Variants in ST8SIA6 observed in about 807,000 individuals in gnomAD.
ST8SIA6 encodes alpha-2,8-sialyltransferase 8F.
ST8SIA6 carries 39 observed loss-of-function variants against 33.6 expected under a neutral mutation model. The ratio of observed to expected loss-of-function variants is 1.16; its 90% confidence interval spans 0.90 to 1.52. ST8SIA6 has a LOEUF of 1.52. Ranked by LOEUF, ST8SIA6 falls within the 40% of genes most tolerant of loss-of-function variation. ST8SIA6 has a pLI of 0.00. For missense variants in ST8SIA6, 441 were observed against 443.8 expected (o/e 0.99, Z 0.06); for synonymous variants, 172 against 167.2 (o/e 1.03, Z -0.22).
At chr10:17,403,033 C>T (rs368488492) in intron 2 of ST8SIA6, among the ~76,000 whole-genome samples, 2 of 152,254 alleles carry the variant, frequency 1.3e-5, no homozygotes, top group East Asian at 3.9e-4. Context: ...TATCACTGCC[C>T]ATCACTCTAA....
chr10:17,342,055 T>C (rs1300547498), intron 4 of ST8SIA6, among the ~76,000 whole-genome samples: 1 of 152,022 alleles, frequency 6.6e-6, no homozygotes, highest in East Asian at 1.9e-4. Flanking sequence ...GAAATAAATG[T>C]GAGTTGTTAA....
rs555608156 is a variant in ST8SIA6 at position 17,350,501 on chromosome 10, C to A, written c.377+9013G>T. 4.6e-3 allele frequency among the ~76,000 whole-genome samples: 702 copies of A among 152,140 alleles called. 2 individuals are homozygous for A. Among genetic ancestry groups the A allele is most frequent in the Non-Finnish European group, 8.3e-3 (566 of 67,994 alleles). On this transcript the variant is annotated intron_variant, in intron 4 of 7. Coordinates refer to ENST00000377602, the MANE Select transcript of ST8SIA6 (RefSeq NM_001004470.3). ...TCCAGGAGTTCGAGACCAGCCTGGG[C>A]CACATAGTGAGACCCTATCTCAACA... is the stretch of plus-strand genomic sequence containing the variant.
At chr10:17,326,952 A>G in intron 6 of ST8SIA6, 62 bp downstream of exon 6, 1 of 1,152,132 alleles carries the variant, frequency 8.7e-7, no homozygotes, top group Non-Finnish European at 1.2e-6. Context: ...TCTTTACACT[A>G]TCCCCCTCTG....
At chr10:17,334,286 TC>T (rs1313960701) in intron 4 of ST8SIA6, among the ~76,000 whole-genome samples, 1 of 151,212 alleles carries the variant, frequency 6.6e-6, no homozygotes, top group African/African-American at 2.4e-5. Flanking sequence ...ACGCCTGTAA[TC>T]CCAGCACTTT....
At chr10:17,424,942 C>T (rs1340164318) in intron 2 of ST8SIA6, among the ~76,000 whole-genome samples, 1 of 151,712 alleles carries the variant, frequency 6.6e-6, no homozygotes, top group Non-Finnish European at 1.5e-5. Flanking sequence ...TCCATGTTGG[C>T]CAGGCTGGTC....
rs115783622 is a variant in ST8SIA6 at position 17,382,414 on chromosome 10, C to T, written c.290+8117G>A. Among the ~76,000 whole-genome samples the T allele has an allele frequency of 5.3e-3, 803 of 152,182 alleles. 7 individuals are homozygous for T. The highest frequency in any genetic ancestry group is 0.018 in the African/African-American group (766 of 41,528). ...CAGAGTAGCTGGGACTACAGGTCTC[C>T]GCCACCATTTCTGGCTAATTTTTGT... is the stretch of plus-strand genomic sequence containing the variant. On this transcript the variant is annotated intron_variant, in intron 3 of 7. Transcript: ENST00000377602.
At chr10:17,452,079 G>A (rs545278178) in intron 2 of ST8SIA6, among the ~76,000 whole-genome samples, 1 of 152,312 alleles carries the variant, frequency 6.6e-6, no homozygotes, top group South Asian at 2.1e-4. Flanking sequence ...AATAGCCACA[G>A]GACTCGGGAA....
In ST8SIA6 at chr10:17,318,610, A is replaced by T. The variant is rs758378311; in HGVS notation, c.*2268T>A. 36 of 460,902 alleles carry T rather than the reference A, an allele frequency of 7.8e-5. No individual in the cohort carries two copies. The highest frequency in any genetic ancestry group is 3.4e-4 in the Middle Eastern group (1 of 2,984). 28.6% of individuals were successfully genotyped at this position (460,902 alleles called of 1,614,324 possible). A position where few individuals can be genotyped will look rare whatever the true frequency, so the allele number is the denominator to read the frequency against. On this transcript the variant is annotated 3_prime_UTR_variant, in exon 8 of 8. Coordinates refer to ENST00000377602, the MANE Select transcript of ST8SIA6 (RefSeq NM_001004470.3). ...TTTTAAGAGCAGAAGATCACATTAG[A>T]TCTAACAATATTTAAGCAATGCTGA... is the stretch of plus-strand genomic sequence containing the variant.
At chr10:17,446,925 G>A (rs112756985) in intron 2 of ST8SIA6, among the ~76,000 whole-genome samples, 2,044 of 150,132 alleles carry the variant, frequency 0.014, 26 homozygotes, top group Non-Finnish European at 0.022. Flanking sequence ...GATGCTGCCT[G>A]TATTCCCAGC....
Position 17,321,190 on chromosome 10 carries a change from C to G in ST8SIA6, c.885G>C (p.Lys295Asn), listed in dbSNP as rs190435399. The change falls in exon 8 of 8, where the codon AAG becomes AAC. Residue 295 changes from lysine (K) to asparagine (N), a missense_variant. By Grantham distance (94) the Lys-to-Asn change is moderately conservative (BLOSUM62 0). Coordinates refer to ENST00000377602, the MANE Select transcript of ST8SIA6 (RefSeq NM_001004470.3). Reference sequence around the variant, plus strand: ...GGTACTTGGGATGGAAAAATAGAACCTTTTGTCTTGCTTTAGACTCTTCGA... The same window carrying G: ...GGTACTTGGGATGGAAAAATAGAACGTTTTGTCTTGCTTTAGACTCTTCGA... Reference protein sequence around the residue: ...YTLEESKARQKVLFFHPKYLK... With the variant: ...YTLEESKARQNVLFFHPKYLK... 4.3e-5 allele frequency: 70 copies of G among 1,613,988 alleles called. 1 individual carries two copies. The highest frequency in any genetic ancestry group is 2.8e-4 in the Admixed American group (17 of 60,000).
Position 17,316,356 on chromosome 10 carries a change from T to C in ST8SIA6, c.*4522A>G, listed in dbSNP as rs994317184. Among the ~76,000 whole-genome samples, 9 of 152,168 alleles carry C rather than the reference T, an allele frequency of 5.9e-5. No individual in the cohort carries two copies. The highest frequency in any genetic ancestry group is 5.9e-4 in the Admixed American group (9 of 15,270). On this transcript the variant is annotated 3_prime_UTR_variant, in exon 8 of 8. Transcript: ENST00000377602. ...TCCAGTAAGTTGCTTCTAACTGCTG[T>C]ATCATATTCCACACTATGGATCCAG...
chr10:17,391,144 C>T (rs1008544068), intron 2 of ST8SIA6, among the ~76,000 whole-genome samples: 1 of 152,146 alleles, frequency 6.6e-6, no homozygotes, highest in Non-Finnish European at 1.5e-5. Flanking sequence ...AGGCGTGAGC[C>T]ATCGTGCCTG....
intron 2 of ST8SIA6, among the ~76,000 whole-genome samples, chr10:17,449,548 G>A (rs1215542037): frequency 1.3e-5 from 2 of 152,154 alleles, no homozygotes; most frequent in Admixed American, 6.5e-5. Context: ...ATCCACTTTA[G>A]ACAAGTAAAA....
At chr10:17,428,266 C>T (rs527667327) in intron 2 of ST8SIA6, among the ~76,000 whole-genome samples, 1 of 152,272 alleles carries the variant, frequency 6.6e-6, no homozygotes. Context: ...GCCATCGGCC[C>T]TTCCCCTCCC....
chr10:17,378,247 C>G (rs1419379369), intron 3 of ST8SIA6, among the ~76,000 whole-genome samples: 1 of 152,196 alleles, frequency 6.6e-6, no homozygotes, highest in African/African-American at 2.4e-5. Flanking sequence ...TTGTCAAATT[C>G]TCTGCCTTGA....
intron 2 of ST8SIA6, among the ~76,000 whole-genome samples, chr10:17,430,899 G>C (rs921575499): frequency 1.3e-5 from 2 of 152,108 alleles, no homozygotes; most frequent in East Asian, 3.9e-4. Flanking sequence ...GACTTGCTCA[G>C]TGTGATCTGG....
At chr10:17,328,390 C>T (rs1848198556) in intron 5 of ST8SIA6, among the ~76,000 whole-genome samples, 1 of 152,146 alleles carries the variant, frequency 6.6e-6, no homozygotes, top group Non-Finnish European at 1.5e-5. Flanking sequence ...CTGCTTACCC[C>T]AGAAGGTTTC....
intron 4 of ST8SIA6, among the ~76,000 whole-genome samples, chr10:17,354,569 C>T (rs969875451): frequency 1.3e-5 from 2 of 152,188 alleles, no homozygotes; most frequent in African/African-American, 4.8e-5. Context: ...ACTTAAATCT[C>T]TCTTTAACTG....
intron 5 of ST8SIA6, among the ~76,000 whole-genome samples, chr10:17,330,839 T>C (rs1409030570): frequency 6.6e-6 from 1 of 152,210 alleles, no homozygotes; most frequent in Non-Finnish European, 1.5e-5. Context: ...GTGAAGTGGT[T>C]TTATATCATA....
Sources: allele counts gnomAD v4.1 joint callset (sites outside exome capture counted in the v4.1 genomes callset), GRCh38; gene constraint gnomAD v4.1.1; transcripts MANE v1.5; gene names NCBI Gene and HGNC (gene_info 2026-07-23, HGNC 2026-07-21).